Variants in CAPN11 observed in about 807,000 individuals in gnomAD.
CAPN11 encodes the protein calpain 11.
In CAPN11, 108 loss-of-function variants were observed where a neutral mutation model predicts 105.3. The ratio of observed to expected loss-of-function variants is 1.03; its 90% CI spans 0.88 to 1.20. The LOEUF is 1.20. CAPN11 is among the 50% of genes most tolerant of loss of function. The pLI is 0.00. For missense variants in CAPN11, 883 were observed against 924.8 expected (o/e 0.95, Z 0.59); for synonymous variants, 329 against 344.5 (o/e 0.96, Z 0.50).
intron 13 of CAPN11, 128 bp from the exon 14 acceptor site, chr6:44,179,824 T>A: frequency 1.1e-6 from 1 of 886,648 alleles, no homozygotes; most frequent in Non-Finnish European, 1.9e-6. Context: ...ACTTAGATGG[T>A]GTCCAGGCCA....
rs370482641 is a variant in CAPN11 at position 44,176,644 on chromosome 6, C to T, written c.1065C>T (p.Asp355=). The T allele has an allele frequency of 8.0e-5, 128 of 1,603,414 alleles. No individual in the cohort carries two copies. The highest frequency in any genetic ancestry group is 4.0e-4 in the East Asian group (18 of 44,714). ...TGCAGCTGCTGCACAAGACGGAGGA[C>T]GGGGAGTTCTGGTCAGTGTGGCTTG... ...IQMQLLHKTE[D]GEFWMSYQDF... is the part of the protein sequence containing the mutation. The change falls in exon 10 of 23, where the codon GAC becomes GAT. Residue 355 remains aspartate (D), a synonymous_variant. Coordinates refer to ENST00000398776, the MANE Select transcript of CAPN11 (RefSeq NM_007058.4).
intron 13 of CAPN11, 65 bp from the exon 14 acceptor site, chr6:44,179,887 C>A (rs1379208309): frequency 3.0e-6 from 4 of 1,327,964 alleles, no homozygotes; most frequent in Non-Finnish European, 4.3e-6. Flanking sequence ...GGCTGTTCAC[C>A]CTGGGGGACC....
intron 5 of CAPN11, 35 bp downstream of exon 5, chr6:44,172,455 TG>T (rs1771175961): frequency 7.7e-7 from 1 of 1,304,940 alleles, no homozygotes; most frequent in Admixed American, 2.2e-5. Context: ...GTGGCTTTGT[TG>T]GGGGCGGGGG....
In CAPN11 at chr6:44,172,290, C is replaced by T. The variant is rs953724059; in HGVS notation, c.410-12C>T. On this transcript the variant is annotated splice_polypyrimidine_tract_variant and intron_variant, in intron 4 of 22. Transcript: ENST00000398776. Reference sequence around the variant, plus strand: ...TTGCTCAGGGGTGGCAAAGCCCTGCCTGTCTTTCCAGGGGACTGCTGGCTG... The same window carrying T: ...TTGCTCAGGGGTGGCAAAGCCCTGCTTGTCTTTCCAGGGGACTGCTGGCTG... 7 of 1,541,316 alleles carry T rather than the reference C, an allele frequency of 4.5e-6. No homozygotes were observed. The Admixed American group carries it at 9.9e-5, about 22-fold the overall frequency.
chr6:44,175,254 C>G (rs1771771882), intron 7 of CAPN11, among the ~76,000 whole-genome samples: 1 of 152,128 alleles, frequency 6.6e-6, no homozygotes, highest in Non-Finnish European at 1.5e-5. Flanking sequence ...CTGAGGAGGA[C>G]AGATTGCTTG....
intron 4 of CAPN11, 120 bp downstream of exon 4, chr6:44,170,095 C>T: frequency 1.4e-6 from 1 of 724,186 alleles, no homozygotes; most frequent in Non-Finnish European, 2.4e-6. Flanking sequence ...GCTTCTGTTC[C>T]CCTGTCCCTC....
At chr6:44,159,773 C>T (rs1410249192) in intron 1 of CAPN11, among the ~76,000 whole-genome samples, 1 of 151,552 alleles carries the variant, frequency 6.6e-6, no homozygotes, top group African/African-American at 2.4e-5. Context: ...TTAGTTTTTT[C>T]CCAGTGCCGG....
Position 44,176,632 on chromosome 6 carries a change from C to A in CAPN11, c.1053C>A (p.His351Gln). 1 of 1,607,316 alleles carries A rather than the reference C, an allele frequency of 6.2e-7. No individual in the cohort carries two copies. The change falls in exon 10 of 23, where the codon CAC (histidine) becomes CAA (glutamine). Residue 351 changes from histidine (H) to glutamine (Q), a missense_variant. By Grantham distance (24) the His-to-Gln change is conservative. Transcript: ENST00000398776. The part of the protein sequence containing the change: ...VASDIQMQLL[H>Q]KTEDGEFWMS... ...CAGACATCCAGATGCAGCTGCTGCA[C>A]AAGACGGAGGACGGGGAGTTCTGGT...
chr6:44,173,798 G>T (rs1486049547), intron 7 of CAPN11, among the ~76,000 whole-genome samples: 1 of 151,970 alleles, frequency 6.6e-6, no homozygotes, highest in Non-Finnish European at 1.5e-5. Flanking sequence ...TGGCCAGGCT[G>T]GTCTCGAACT....
At position 44,180,568 on chromosome 6, in the gene CAPN11, A is replaced by T. The variant is rs774701042; in HGVS notation, c.1681-29A>T. ...GGCCTGTGAAAGAAGTTTTCTGACC[A>T]GGTCCCTTTCCTGCTCCCCGGCCCC... On this transcript the variant is annotated intron_variant, in intron 15 of 22. Transcript: ENST00000398776. 1.9e-6 allele frequency: 3 copies of T among 1,613,830 alleles called. No homozygotes were observed. In the South Asian group the frequency reaches 3.3e-5, roughly 18 times the overall value.
intron 7 of CAPN11, among the ~76,000 whole-genome samples, chr6:44,175,789 A>G (rs1771886101): frequency 1.5e-5 from 1 of 64,678 alleles, no homozygotes; most frequent in Admixed American, 1.2e-4. Context: ...AATAATAAAT[A>G]ATAATAATAA....
chr6:44,181,824 CCACACACACA>C (rs796767681), intron 19 of CAPN11, among the ~76,000 whole-genome samples: 10 of 13,938 alleles, frequency 7.2e-4, no homozygotes, highest in Non-Finnish European at 8.7e-4. Flanking sequence ...CACAACCACA[CCACACACACA>C]CACACTCACA....
At chr6:44,161,726 T>A (rs1768844444) in intron 1 of CAPN11, 1 of 453,606 alleles carries the variant, frequency 2.2e-6, no homozygotes, top group Non-Finnish European at 4.4e-6. Flanking sequence ...CTGAATTGCC[T>A]TGGCCTGCCC....
chr6:44,182,819 C>T, intron 19 of CAPN11, 122 bp from the exon 20 acceptor site: 4 of 685,290 alleles, frequency 5.8e-6, no homozygotes, highest in Middle Eastern at 3.9e-4. Flanking sequence ...GATGATCCGC[C>T]TGCCTCGGCC....
At position 44,167,497 on chromosome 6, in the gene CAPN11, C is replaced by CAAAAA. The variant is rs61107654; in HGVS notation, c.88+688_88+692dup. On this transcript the variant is annotated intron_variant, in intron 2 of 22. Transcript: ENST00000398776. ...TGAGCAACAGAATGAGACTCCATCT[C>CAAAAA]AAAAAAAAAAAAAAAAAAAAAAAAT... 7.8e-4 allele frequency among the ~76,000 whole-genome samples: 21 copies of CAAAAA among 27,044 alleles called. 2 individuals carry two copies. The highest frequency in any genetic ancestry group is 1.7e-3 in the African/African-American group (14 of 8,220). The allele number at this position is 27,044 out of a possible 152,430, so 17.7% of individuals were successfully genotyped here.
rs115367643 is a variant in CAPN11 at position 44,165,355 on chromosome 6, A to G, written c.17-1403A>G. ...TGTCAGAAACAAATGCAAACACTTTAGAATATCACCCATCTCACAGGTGGA... is the reference window on the plus strand; with the variant it reads ...TGTCAGAAACAAATGCAAACACTTTGGAATATCACCCATCTCACAGGTGGA... On this transcript the variant is annotated intron_variant, in intron 1 of 22. Transcript: ENST00000398776. 6.7e-4 allele frequency among the ~76,000 whole-genome samples: 102 copies of G among 152,356 alleles called. 1 individual carries two copies. Among genetic ancestry groups the G allele is most frequent in the Middle Eastern group, 3.4e-3 (1 of 294 alleles).
At chr6:44,172,073 A>C (rs968339813) in intron 4 of CAPN11, among the ~76,000 whole-genome samples, 6 of 152,174 alleles carry the variant, frequency 3.9e-5, no homozygotes, top group African/African-American at 1.4e-4. Context: ...CTCAAAAAAG[A>C]AAATGTACAG....
chr6:44,161,448 C>T (rs1350179151), intron 1 of CAPN11, among the ~76,000 whole-genome samples: 3 of 152,196 alleles, frequency 2.0e-5, no homozygotes, highest in Admixed American at 6.5e-5. Context: ...GATCCGCCCA[C>T]CTCAGCCTCT....
At chr6:44,161,826 C>A (rs1445255649) in intron 1 of CAPN11, 1 of 456,260 alleles carries the variant, frequency 2.2e-6, no homozygotes, top group Non-Finnish European at 4.4e-6. Context: ...GTCCTCGGAG[C>A]AGCCAGGGTA....
Sources: gnomAD v4.1 joint callset for allele counts (sites outside exome capture counted in the v4.1 genomes callset) on GRCh38, gnomAD v4.1.1 for gene constraint, MANE v1.5 for transcripts, NCBI Gene and HGNC (gene_info 2026-07-23, HGNC 2026-07-21) for gene names.